RBFOX1: variants seen among roughly 807,000 people sequenced by gnomAD.
The protein encoded by RBFOX1 is RNA binding protein fox-1 homolog 1.
A neutral mutation model predicts 57.7 loss-of-function variants in RBFOX1; 8 were observed. That is an observed-to-expected ratio of 0.14 (90% CI 0.08 to 0.25). RBFOX1 has a LOEUF of 0.25. RBFOX1 is among the 10% of genes least tolerant of loss of function. The probability of loss-of-function intolerance (pLI) is 1.00; values close to 1 mark genes in which losing one functional copy is unlikely to be tolerated. For missense variants in RBFOX1, 611 were observed against 548.5 expected (o/e 1.11, Z -1.14); for synonymous variants, 326 against 222.4 (o/e 1.47, Z -4.15).
intron 4 of RBFOX1, among the ~76,000 whole-genome samples, chr16:7,445,642 C>T (rs566001467): frequency 1.1e-4 from 16 of 151,846 alleles, no homozygotes; most frequent in Non-Finnish European, 2.2e-4. Flanking sequence ...TTCTTCTGGT[C>T]TCTTAGAAAT....
chr16:6,467,817 A>G (rs1341247837), intron 2 of RBFOX1, among the ~76,000 whole-genome samples: 4 of 152,210 alleles, frequency 2.6e-5, no homozygotes, highest in Non-Finnish European at 5.9e-5. Context: ...GTAAATTATA[A>G]CACTACTCAA....
chr16:5,941,022 A>G (rs1438798776), intron 4 of RBFOX1, among the ~76,000 whole-genome samples: 1 of 152,142 alleles, frequency 6.6e-6, no homozygotes, highest in African/African-American at 2.4e-5. Context: ...ATACTTATCT[A>G]CTGGTGGGTT....
At chr16:6,183,437 G>A (rs577980573) in intron 1 of RBFOX1, among the ~76,000 whole-genome samples, 32 of 151,684 alleles carry the variant, frequency 2.1e-4, no homozygotes, top group Admixed American at 5.3e-4. Context: ...CCGAGATCGC[G>A]CCATTGTGCT....
chr16:6,992,402 G>C (rs941371291), intron 3 of RBFOX1, among the ~76,000 whole-genome samples: 2 of 152,070 alleles, frequency 1.3e-5, no homozygotes, highest in African/African-American at 4.8e-5. Flanking sequence ...ATTTTTAGTA[G>C]AGACGGGGTT....
At chr16:6,840,434 C>T (rs914789100) in intron 3 of RBFOX1, among the ~76,000 whole-genome samples, 23 of 152,098 alleles carry the variant, frequency 1.5e-4, no homozygotes, top group African/African-American at 5.6e-4. Context: ...CTTCTTTCAA[C>T]TATAATTAGT....
rs377439693 is a variant in RBFOX1 at position 5,376,242 on chromosome 16, C to A, written c.220-90974C>A. Among the ~76,000 whole-genome samples the A allele has an allele frequency of 3.3e-5, 5 of 152,032 alleles. No homozygotes were observed. The East Asian group carries it at 5.8e-4, about 18-fold the overall frequency. ...GTAAGGGCTGGAGGCAGTGCTGGAG[C>A]CCAGACGGTGCATTCTGAGAGCATG... On this transcript the variant is annotated intron_variant, in intron 1 of 2. Coordinates refer to the RBFOX1 transcript ENST00000585867.
At chr16:6,985,184 G>C (rs1211377314) in intron 3 of RBFOX1, among the ~76,000 whole-genome samples, 1 of 136,756 alleles carries the variant, frequency 7.3e-6, no homozygotes, top group African/African-American at 2.7e-5. Flanking sequence ...TTTAAAATGT[G>C]ATCACATTCT....
chr16:7,496,019 A>G (rs1383036901), intron 4 of RBFOX1, among the ~76,000 whole-genome samples: 1 of 152,230 alleles, frequency 6.6e-6, no homozygotes, highest in African/African-American at 2.4e-5. Flanking sequence ...AGAACGTTCC[A>G]GAGAGATCCT....
At chr16:6,655,729 C>A (rs2098645909) in intron 3 of RBFOX1, among the ~76,000 whole-genome samples, 1 of 152,104 alleles carries the variant, frequency 6.6e-6, no homozygotes, top group Non-Finnish European at 1.5e-5. Flanking sequence ...GAGTACATAC[C>A]TCCTGGCTAC....
Position 6,981,514 on chromosome 16 carries a change from A to C in RBFOX1, c.-15-70543A>C, listed in dbSNP as rs148319123. 1.1e-3 allele frequency among the ~76,000 whole-genome samples: 164 copies of C among 152,294 alleles called. 1 individual carries two copies. The highest frequency in any genetic ancestry group is 3.6e-3 in the African/African-American group (151 of 41,550). Reference sequence around the variant, plus strand: ...GTATTAGTCTGTTCTCATGCTGCTAATAAAGACGTACCTGAGACTGGGTAA... The same window carrying C: ...GTATTAGTCTGTTCTCATGCTGCTACTAAAGACGTACCTGAGACTGGGTAA... On this transcript the variant is annotated intron_variant, in intron 3 of 15. Coordinates refer to ENST00000550418, the MANE Select transcript of RBFOX1 (RefSeq NM_018723.4).
intron 1 of RBFOX1, among the ~76,000 whole-genome samples, chr16:5,456,866 C>G (rs892526518): frequency 3.9e-5 from 6 of 152,202 alleles, no homozygotes; most frequent in African/African-American, 1.4e-4. Context: ...TCAAGCCACT[C>G]CCCACTTCTC....
chr16:7,040,647 C>G (rs766629552), intron 3 of RBFOX1, among the ~76,000 whole-genome samples: 2 of 152,072 alleles, frequency 1.3e-5, no homozygotes, highest in Non-Finnish European at 2.9e-5. Flanking sequence ...AGACTTTTTT[C>G]CAGGTATAAA....
chr16:7,346,097 G>A lies in RBFOX1; in HGVS notation c.28-172050G>A, dbSNP rs149181933. On this transcript the variant is annotated intron_variant, in intron 4 of 15. Transcript: ENST00000550418. ...GCGGTGTTTGGTTTTTTGTCCTTGC[G>A]ATAGTTTGCTGAGAATGATGGTTTC... 4.3e-3 allele frequency among the ~76,000 whole-genome samples: 651 copies of A among 152,218 alleles called. 4 individuals are homozygous for A. The highest frequency in any genetic ancestry group is 0.014 in the African/African-American group (575 of 41,540).
At chr16:6,849,887 T>C (rs564450734) in intron 3 of RBFOX1, among the ~76,000 whole-genome samples, 8 of 152,268 alleles carry the variant, frequency 5.3e-5, no homozygotes, top group Non-Finnish European at 7.3e-5. Flanking sequence ...CTCCCTGATT[T>C]ATAATTATTT....
intron 4 of RBFOX1, among the ~76,000 whole-genome samples, chr16:7,348,427 T>A: frequency 7.1e-6 from 1 of 141,842 alleles, no homozygotes; most frequent in African/African-American, 3.0e-5. Context: ...GAATATTTTC[T>A]GTTAGGTTTT....
At chr16:6,599,767 T>C (rs1024299845) in intron 2 of RBFOX1, among the ~76,000 whole-genome samples, 1 of 152,188 alleles carries the variant, frequency 6.6e-6, no homozygotes, top group Non-Finnish European at 1.5e-5. Flanking sequence ...AGCAGGTGCG[T>C]GTAACTTAAT....
intron 3 of RBFOX1, among the ~76,000 whole-genome samples, chr16:5,664,206 G>T (rs920803229): frequency 6.6e-6 from 1 of 152,184 alleles, no homozygotes; most frequent in Non-Finnish European, 1.5e-5. Flanking sequence ...CTCTTGACTT[G>T]GGGGTTCTCG....
intron 3 of RBFOX1, among the ~76,000 whole-genome samples, chr16:6,942,254 T>A (rs74445936): frequency 0.13 from 20,128 of 152,020 alleles, 1,449 homozygotes; most frequent in East Asian, 0.23. Context: ...CACTTCAGCC[T>A]GACTGACCGA....
At chr16:7,429,449 TCTGCCAGCACA>T in intron 4 of RBFOX1, among the ~76,000 whole-genome samples, 1 of 152,246 alleles carries the variant, frequency 6.6e-6, no homozygotes, top group Admixed American at 6.5e-5. Flanking sequence ...TTTTATTCTC[TCTGCCAGCACA>T]CTGTACTTTT....
Sources: gnomAD v4.1 joint callset for allele counts (sites outside exome capture counted in the v4.1 genomes callset) on GRCh38, gnomAD v4.1.1 for gene constraint, MANE v1.5 for transcripts, NCBI Gene and HGNC (gene_info 2026-07-23, HGNC 2026-07-21) for gene names.